ATRNL1: variants seen among roughly 807,000 people sequenced by gnomAD.
ATRNL1 encodes the protein attractin-like protein 1.
ATRNL1 carries 95 observed loss-of-function variants against 182.7 expected under a neutral mutation model. That is an observed-to-expected ratio of 0.52 (90% confidence interval 0.44 to 0.62). The LOEUF is 0.62. Among genes scored for constraint, ATRNL1 ranks in the 20% least tolerant of loss-of-function variants. The pLI, the probability that ATRNL1 is intolerant of heterozygous loss-of-function variation, is 0.00. For synonymous variants in ATRNL1, 576 were observed against 568.3 expected, an observed-to-expected ratio of 1.01 and a Z score of -0.19; for missense variants, 1,471 against 1,679.5, an observed-to-expected ratio of 0.88 and a Z score of 2.17.
intron 26 of ATRNL1, among the ~76,000 whole-genome samples, chr10:115,593,014 T>C (rs2804207): frequency 0.47 from 70,730 of 152,026 alleles, 18,220 homozygotes; most frequent in East Asian, 0.84. Flanking sequence ...TAATTTGTAA[T>C]GAGTAGAAAT....
At chr10:115,152,389 A>C (rs576434227) in intron 5 of ATRNL1, among the ~76,000 whole-genome samples, 88 of 151,864 alleles carry the variant, frequency 5.8e-4, no homozygotes, top group African/African-American at 1.5e-3. Flanking sequence ...CTTTTATTTC[A>C]TTGAGCAGTG....
intron 9 of ATRNL1, among the ~76,000 whole-genome samples, chr10:115,239,762 A>G (rs1486436719): frequency 2.6e-5 from 4 of 152,080 alleles, no homozygotes; most frequent in African/African-American, 7.2e-5. Flanking sequence ...TATTGGGTCC[A>G]ATGTTGTTAG....
In ATRNL1 at chr10:115,345,530, C is replaced by A. The variant is rs141690369; in HGVS notation, c.3175+11111C>A. The stretch of plus-strand genomic sequence containing the variant: ...GAATTTTTAAGAAATCACTTCAGTG[C>A]CTCTTTCACTGATAGAAGTTAACAC... On this transcript the variant is annotated intron_variant, in intron 19 of 28. Coordinates refer to ENST00000355044, the MANE Select transcript of ATRNL1 (RefSeq NM_207303.4). 9.2e-5 allele frequency among the ~76,000 whole-genome samples: 14 copies of A among 152,268 alleles called. No homozygotes were observed. The East Asian group carries it at 2.7e-3, about 29-fold the overall frequency.
chr10:115,134,917 A>G (rs565355572), intron 5 of ATRNL1, among the ~76,000 whole-genome samples: 185 of 152,304 alleles, frequency 1.2e-3, no homozygotes, highest in African/African-American at 4.2e-3. Context: ...GCATATAAAC[A>G]GAACCAAAGA....
chr10:115,248,619 A>T (rs559128942), intron 10 of ATRNL1, among the ~76,000 whole-genome samples: 6,062 of 152,218 alleles, frequency 0.04, 400 homozygotes, highest in African/African-American at 0.14. Context: ...ACAGTAAAAA[A>T]CTAAATAAAT....
At chr10:115,649,853 T>C (rs1859872260) in intron 26 of ATRNL1, among the ~76,000 whole-genome samples, 1 of 152,068 alleles carries the variant, frequency 6.6e-6, no homozygotes, top group African/African-American at 2.4e-5. Context: ...TTTTATGGCA[T>C]GGAACTTCAA....
chr10:115,447,680 T>G (rs1175598223), intron 21 of ATRNL1, among the ~76,000 whole-genome samples: 5 of 151,944 alleles, frequency 3.3e-5, no homozygotes, highest in African/African-American at 1.2e-4. Flanking sequence ...ATTCTCCTTT[T>G]GATGCACATC....
chr10:115,425,819 G>A (rs1845860302), intron 20 of ATRNL1, among the ~76,000 whole-genome samples: 2 of 152,022 alleles, frequency 1.3e-5, no homozygotes, highest in Non-Finnish European at 2.9e-5. Context: ...TAGAAAATAT[G>A]TTAATTTCAA....
intron 10 of ATRNL1, among the ~76,000 whole-genome samples, chr10:115,252,032 T>C (rs1232566593): frequency 6.6e-6 from 1 of 152,092 alleles, no homozygotes; most frequent in Admixed American, 6.5e-5. Flanking sequence ...GTTGTTGTTG[T>C]TGTTGTTGTT....
At position 115,945,030 on chromosome 10, in the gene ATRNL1, C is replaced by T; in HGVS notation, c.*251C>T. The T allele has an allele frequency of 3.5e-6, 1 of 286,354 alleles. No individual in the cohort carries two copies. The highest frequency in any genetic ancestry group is 6.0e-5 in the East Asian group (1 of 16,784). The allele number at this position is 286,354 out of a possible 1,614,324, so 17.7% of individuals were successfully genotyped here. A position where few individuals can be genotyped will look rare whatever the true frequency, so the allele number is the denominator to read the frequency against. ...GCTTATTATAGCTAACATTAAATTA[C>T]TCTGGAAAAAGATGTATATTGTTTC... On this transcript the variant is annotated 3_prime_UTR_variant, in exon 29 of 29. Transcript: ENST00000355044.
At chr10:115,364,696 C>T (rs1435469891) in intron 19 of ATRNL1, among the ~76,000 whole-genome samples, 1 of 151,640 alleles carries the variant, frequency 6.6e-6, no homozygotes, top group Non-Finnish European at 1.5e-5. Context: ...TACATCCCAT[C>T]AATACCTAAT....
At chr10:115,393,446 G>T (rs1399846791) in intron 19 of ATRNL1, among the ~76,000 whole-genome samples, 2 of 152,098 alleles carry the variant, frequency 1.3e-5, no homozygotes, top group East Asian at 1.9e-4. Flanking sequence ...GGGAAATTTT[G>T]ACTCATTCAC....
chr10:115,637,153 A>G (rs1464701241), intron 26 of ATRNL1, among the ~76,000 whole-genome samples: 5 of 152,218 alleles, frequency 3.3e-5, no homozygotes, highest in South Asian at 2.1e-4. Flanking sequence ...AAGCAAATCT[A>G]TGATGAAAAT....
intron 17 of ATRNL1, 67 bp downstream of exon 17, chr10:115,302,110 G>T: frequency 7.4e-7 from 1 of 1,346,004 alleles, no homozygotes; most frequent in Non-Finnish European, 1.0e-6. Flanking sequence ...GTGATGTAAA[G>T]AAGAATTAAA....
intron 26 of ATRNL1, among the ~76,000 whole-genome samples, chr10:115,689,365 T>G (rs1946318901): frequency 6.6e-6 from 1 of 151,576 alleles, no homozygotes; most frequent in Non-Finnish European, 1.5e-5. Flanking sequence ...CTTTTTGGCT[T>G]TTTTATGTAG....
chr10:115,356,493 G>A (rs974108126), intron 19 of ATRNL1, among the ~76,000 whole-genome samples: 3 of 151,986 alleles, frequency 2.0e-5, no homozygotes, highest in African/African-American at 7.2e-5. Flanking sequence ...GAATTTCAAA[G>A]GTGAGGAGAA....
chr10:115,890,252 A>G (rs1555110840), intron 28 of ATRNL1, among the ~76,000 whole-genome samples: 1 of 152,182 alleles, frequency 6.6e-6, no homozygotes, highest in Non-Finnish European at 1.5e-5. Context: ...AGTCTGTGTG[A>G]TGTTAAGAAT....
At chr10:115,172,234 C>A (rs575434002) in intron 8 of ATRNL1, among the ~76,000 whole-genome samples, 3 of 151,920 alleles carry the variant, frequency 2.0e-5, no homozygotes, top group African/African-American at 7.2e-5. Context: ...GGTTACATAT[C>A]CCCTTTACTT....
intron 21 of ATRNL1, among the ~76,000 whole-genome samples, chr10:115,451,923 TGTA>T (rs1847303059): frequency 6.6e-6 from 1 of 152,118 alleles, no homozygotes. Context: ...TGGAATACTA[TGTA>T]GCCATAAAAA....
Sources: allele counts gnomAD v4.1 joint callset (sites outside exome capture counted in the v4.1 genomes callset), GRCh38; gene constraint gnomAD v4.1.1; transcripts MANE v1.5; gene names NCBI Gene and HGNC (gene_info 2026-07-23, HGNC 2026-07-21).